The following AUTS2 variants were observed in gnomAD, a reference collection of about 807,000 sequenced individuals.
AUTS2 encodes the protein autism susceptibility gene 2 protein.
A neutral mutation model predicts 112.4 loss-of-function variants in AUTS2; 17 were observed. That is an observed-to-expected ratio of 0.15 (90% CI 0.10 to 0.23). The LOEUF (loss-of-function observed/expected upper bound fraction) is 0.23. AUTS2 is among the 10% of genes least tolerant of loss of function. AUTS2 has a pLI of 1.00. For missense variants in AUTS2, 1,510 were observed against 1,701.6 expected (o/e 0.89, Z 1.98); for synonymous variants, 751 against 702.7 (o/e 1.07, Z -1.09).
chr7:69,872,678 C>A (rs1027367060), intron 1 of AUTS2, among the ~76,000 whole-genome samples: 19 of 151,442 alleles, frequency 1.3e-4, no homozygotes, highest in Middle Eastern at 6.8e-3. Flanking sequence ...ATCCTGTGGT[C>A]CATTGCAACC....
At chr7:70,578,967 A>T (rs1802302401) in intron 5 of AUTS2, among the ~76,000 whole-genome samples, 1 of 137,406 alleles carries the variant, frequency 7.3e-6, no homozygotes, top group South Asian at 2.3e-4. Flanking sequence ...TCCTTTGCCC[A>T]GGTTGGAGTG....
rs543274466 is a variant in AUTS2 at position 70,454,451 on chromosome 7, C to T, written c.690+18670C>T. On this transcript the variant is annotated intron_variant, in intron 5 of 18. Coordinates refer to ENST00000342771, the MANE Select transcript of AUTS2 (RefSeq NM_015570.4). The stretch of plus-strand genomic sequence containing the variant: ...ACTCTGGAGGCTCAGGCAGGAGAAT[C>T]GCTTGAACCCAGGAGGCAGAGGTTG... 1.9e-4 allele frequency among the ~76,000 whole-genome samples: 29 copies of T among 152,182 alleles called. No individual in the cohort carries two copies. In the Middle Eastern group the frequency reaches 0.014, roughly 71 times the overall value.
intron 6 of AUTS2, among the ~76,000 whole-genome samples, chr7:70,748,727 A>G (rs1307747724): frequency 6.6e-6 from 1 of 152,208 alleles, no homozygotes; most frequent in Non-Finnish European, 1.5e-5. Flanking sequence ...CCCAGTCCCC[A>G]TTCCACTCCA....
At chr7:70,125,098 A>G (rs1805894236) in intron 3 of AUTS2, among the ~76,000 whole-genome samples, 1 of 151,842 alleles carries the variant, frequency 6.6e-6, no homozygotes, top group African/African-American at 2.4e-5. Flanking sequence ...TTTTCTCCTC[A>G]CTATGGGTCA....
intron 1 of AUTS2, among the ~76,000 whole-genome samples, chr7:69,867,286 G>T (rs1326928392): frequency 6.6e-6 from 1 of 152,188 alleles, no homozygotes; most frequent in Non-Finnish European, 1.5e-5. Context: ...GGGCGGCCTG[G>T]CTGAATTCAT....
chr7:70,413,662 T>G (rs1393894684), intron 4 of AUTS2, among the ~76,000 whole-genome samples: 3 of 149,074 alleles, frequency 2.0e-5, no homozygotes, highest in Non-Finnish European at 4.5e-5. Context: ...CACAATTTCT[T>G]TTCTTGTTTT....
At chr7:70,780,712 T>A (rs1324950870) in intron 14 of AUTS2, among the ~76,000 whole-genome samples, 2 of 152,156 alleles carry the variant, frequency 1.3e-5, no homozygotes, top group African/African-American at 4.8e-5. Flanking sequence ...TTACAGGTAG[T>A]AGGAAGAGAA....
chr7:69,888,616 C>A (rs1794387214), intron 1 of AUTS2, among the ~76,000 whole-genome samples: 1 of 149,310 alleles, frequency 6.7e-6, no homozygotes, highest in Non-Finnish European at 1.5e-5. Context: ...CAGTCTCACT[C>A]TGTCACCCAG....
chr7:70,248,132 T>G (rs1395968203), intron 4 of AUTS2, among the ~76,000 whole-genome samples: 1 of 152,170 alleles, frequency 6.6e-6, no homozygotes, highest in Non-Finnish European at 1.5e-5. Context: ...ACATTTTACT[T>G]AGGATTTTTC....
chr7:69,964,594 T>C (rs1452298945), intron 2 of AUTS2, among the ~76,000 whole-genome samples: 1 of 151,990 alleles, frequency 6.6e-6, no homozygotes, highest in Non-Finnish European at 1.5e-5. Context: ...AGAATATCCA[T>C]AAAGCCTATG....
chr7:70,554,655 C>T (rs1801172411), intron 5 of AUTS2, among the ~76,000 whole-genome samples: 1 of 152,150 alleles, frequency 6.6e-6, no homozygotes, highest in Non-Finnish European at 1.5e-5. Context: ...CTTTGTTTCA[C>T]CAGAGAAGCC....
Position 70,080,056 on chromosome 7 carries a change from G to GTTA in AUTS2, c.523-38076_523-38075insTTA, listed in dbSNP as rs1469081867. On this transcript the variant is annotated intron_variant, in intron 2 of 18. Transcript: ENST00000342771. ...TTATGTTCCATCTCCCAACACTGTT[G>GTTA]CACTTGGGGTTAAGTTTGCAACACA... Among the ~76,000 whole-genome samples, 441 of 152,218 alleles carry GTTA rather than the reference G, an allele frequency of 2.9e-3. 5 individuals are homozygous for GTTA. Among genetic ancestry groups the GTTA allele is most frequent in the African/African-American group, 0.01 (427 of 41,532 alleles).
intron 4 of AUTS2, among the ~76,000 whole-genome samples, chr7:70,222,792 G>T (rs1225438967): frequency 6.6e-6 from 1 of 151,902 alleles, no homozygotes; most frequent in Non-Finnish European, 1.5e-5. Flanking sequence ...GCTCACAATA[G>T]GAATGTTCCC....
chr7:70,130,661 A>G (rs946329325), intron 3 of AUTS2, among the ~76,000 whole-genome samples: 2 of 151,606 alleles, frequency 1.3e-5, no homozygotes, highest in Non-Finnish European at 2.9e-5. Flanking sequence ...GTTTGCAGAG[A>G]TTGCTGGAGC....
At chr7:70,042,410 A>G (rs1051338872) in intron 2 of AUTS2, among the ~76,000 whole-genome samples, 2 of 152,184 alleles carry the variant, frequency 1.3e-5, no homozygotes, top group Non-Finnish European at 2.9e-5. Context: ...AATGGTTTTT[A>G]AGTTTGTGTA....
intron 1 of AUTS2, among the ~76,000 whole-genome samples, chr7:69,696,494 CA>C (rs1297322638): frequency 6.6e-6 from 1 of 152,140 alleles, no homozygotes; most frequent in Non-Finnish European, 1.5e-5. Flanking sequence ...CTCCATGTGA[CA>C]AAATTGCTCC....
rs559755406 is a variant in AUTS2 at position 70,071,768 on chromosome 7, C to T, written c.523-46364C>T. On this transcript the variant is annotated intron_variant, in intron 2 of 18. Transcript: ENST00000342771. ...GAATCTCTATCCCCATCAGATGGTT[C>T]GATCTATGAGAAATTTAGCTAGAGG... is the stretch of plus-strand genomic sequence containing the variant. Among the ~76,000 whole-genome samples the T allele has an allele frequency of 5.3e-5, 8 of 152,252 alleles. No homozygotes were observed. In the East Asian group the frequency reaches 7.7e-4, roughly 15 times the overall value.
chr7:70,755,216 A>G (rs924049304), intron 6 of AUTS2, among the ~76,000 whole-genome samples: 1 of 151,752 alleles, frequency 6.6e-6, no homozygotes, highest in African/African-American at 2.4e-5. Flanking sequence ...TGAGGCTGCA[A>G]TGGGCTATGA....
At chr7:70,695,308 G>A (rs1809024145) in intron 5 of AUTS2, among the ~76,000 whole-genome samples, 1 of 152,214 alleles carries the variant, frequency 6.6e-6, no homozygotes. Flanking sequence ...TCGTGCCCGG[G>A]AGGGCCTGGC....
Sources: gnomAD v4.1 joint callset for allele counts (sites outside exome capture counted in the v4.1 genomes callset) on GRCh38, gnomAD v4.1.1 for gene constraint, MANE v1.5 for transcripts, NCBI Gene and HGNC (gene_info 2026-07-23, HGNC 2026-07-21) for gene names.